Variants in ZFHX3 observed in about 807,000 individuals in gnomAD.
The protein encoded by ZFHX3 is zinc finger homeobox protein 3.
ZFHX3 carries 42 observed loss-of-function variants against 279.1 expected under a neutral mutation model. That is an observed-to-expected ratio of 0.15 (90% CI 0.12 to 0.19). The LOEUF is 0.19. Among genes scored for constraint, ZFHX3 ranks in the 10% least tolerant of loss-of-function variants. ZFHX3 has a pLI of 1.00. For missense variants in ZFHX3, 4,981 were observed against 4,754.0 expected (o/e 1.05, Z -1.40); for synonymous variants, 2,293 against 1,957.8 (o/e 1.17, Z -4.52).
chr16:73,815,667 T>A (rs1447574570), intron 1 of ZFHX3: 1 of 152,082 alleles, frequency 6.6e-6, no homozygotes, highest in East Asian at 1.9e-4. Context: ...GTTCAAGCAA[T>A]TCTCCTGCCT....
intron 5 of ZFHX3, among the ~76,000 whole-genome samples, chr16:73,247,184 T>C (rs371297057): frequency 6.6e-4 from 100 of 152,006 alleles, no homozygotes; most frequent in Middle Eastern, 6.8e-3. Context: ...TACCTGTATG[T>C]GGAATACATG....
chr16:73,350,565 G>C (rs543116474), intron 3 of ZFHX3, among the ~76,000 whole-genome samples: 13 of 152,316 alleles, frequency 8.5e-5, no homozygotes, highest in Admixed American at 5.2e-4. Flanking sequence ...CATGGTGAAG[G>C]CAGCTGTTGC....
intron 5 of ZFHX3, 32 bp downstream of exon 5, chr16:72,829,747 A>G: frequency 6.2e-7 from 1 of 1,605,722 alleles, no homozygotes. Flanking sequence ...AGCCACACAC[A>G]CTACCTGTCC....
intron 1 of ZFHX3, among the ~76,000 whole-genome samples, chr16:73,735,901 T>TGTTTGTTTGTTTGTTTC (rs375304884): frequency 6.9e-6 from 1 of 145,952 alleles, no homozygotes; most frequent in Non-Finnish European, 1.5e-5. Context: ...GTTTTTTTTT[T>TGTTTGTTTGTTTGTTTC]TTTTTTTTTT....
chr16:73,569,761 G>A (rs79422061), intron 2 of ZFHX3, among the ~76,000 whole-genome samples: 6,336 of 152,300 alleles, frequency 0.042, 216 homozygotes, highest in East Asian at 0.11. Flanking sequence ...ACAAACATGC[G>A]TACTCCTGGG....
intron 1 of ZFHX3, among the ~76,000 whole-genome samples, chr16:72,960,853 T>A (rs879780710): frequency 6.6e-6 from 1 of 152,064 alleles, no homozygotes; most frequent in Non-Finnish European, 1.5e-5. Context: ...AAAAGTCCTC[T>A]CCAGATCTGG....
chr16:72,887,725 G>A (rs1341989771), intron 4 of ZFHX3, among the ~76,000 whole-genome samples: 1 of 151,736 alleles, frequency 6.6e-6, no homozygotes, highest in Non-Finnish European at 1.5e-5. Flanking sequence ...CGCAGATGGG[G>A]CGTGTGGGTG....
intron 3 of ZFHX3, among the ~76,000 whole-genome samples, chr16:73,446,247 G>C (rs1303641332): frequency 1.3e-5 from 2 of 152,162 alleles, no homozygotes; most frequent in East Asian, 3.9e-4. Context: ...TTCTCATGCT[G>C]CTATGAAGAA....
At chr16:73,077,819 T>C (rs1381869407) in intron 8 of ZFHX3, among the ~76,000 whole-genome samples, 2 of 152,174 alleles carry the variant, frequency 1.3e-5, no homozygotes, top group Non-Finnish European at 2.9e-5. Context: ...TTCTTTTTTG[T>C]TTTTTGTTTG....
At position 72,958,521 on chromosome 16, in the gene ZFHX3, G is replaced by A. The variant is rs2144443505; in HGVS notation, c.1625C>T (p.Thr542Ile). 1 of 1,614,040 alleles carries A rather than the reference G, an allele frequency of 6.2e-7. No homozygotes were observed. The highest frequency in any genetic ancestry group is 8.5e-7 in the Non-Finnish European group (1 of 1,180,034). ...NSPLMPNVLQ[T>I]LSRGTASTSS... ...AGTAGAAGCTGTGCCCCTCGACAGG[G>A]TCTGGAGCACGTTAGGCATTAAGGG... The change falls in exon 2 of 10, where the codon ACC (threonine) becomes ATC (isoleucine). Residue 542 changes from threonine to isoleucine, a missense_variant. Transcript: ENST00000268489.
At chr16:73,359,181 G>GTTTTT (rs55639015) in intron 3 of ZFHX3, among the ~76,000 whole-genome samples, 1 of 145,800 alleles carries the variant, frequency 6.9e-6, no homozygotes. Context: ...TTTAGAAGAG[G>GTTTTT]TTTTTTTTTT....
intron 3 of ZFHX3, among the ~76,000 whole-genome samples, chr16:73,345,315 T>G (rs889444567): frequency 1.3e-5 from 2 of 152,100 alleles, no homozygotes; most frequent in African/African-American, 4.8e-5. Context: ...CATGGTGGTT[T>G]GGGGCACCTA....
intron 1 of ZFHX3, among the ~76,000 whole-genome samples, chr16:73,872,291 G>A (rs35527294): frequency 4.3e-4 from 66 of 152,032 alleles, no homozygotes; most frequent in Admixed American, 2.2e-3. Context: ...GCCCAGGCTG[G>A]AGCACAGTGG....
At chr16:73,301,855 G>C (rs956033295) in intron 4 of ZFHX3, among the ~76,000 whole-genome samples, 3 of 148,126 alleles carry the variant, frequency 2.0e-5, no homozygotes, top group South Asian at 2.1e-4. Flanking sequence ...GCTTCAATCT[G>C]ATCCGGCAAG....
At chr16:72,808,043 G>A (rs745700258) in intron 7 of ZFHX3, 12 of 152,156 alleles carry the variant, frequency 7.9e-5, no homozygotes, top group Non-Finnish European at 1.2e-4. Flanking sequence ...AGTTGGCCAT[G>A]AACAAACATA....
At chr16:73,833,571 A>G (rs1269385630) in intron 1 of ZFHX3, among the ~76,000 whole-genome samples, 1 of 151,704 alleles carries the variant, frequency 6.6e-6, no homozygotes. Context: ...ACACGGATAC[A>G]GGGAGGAGAA....
chr16:73,129,172 G>C (rs560686340), intron 7 of ZFHX3, among the ~76,000 whole-genome samples: 2 of 152,210 alleles, frequency 1.3e-5, no homozygotes, highest in African/African-American at 2.4e-5. Flanking sequence ...GATCACTTGA[G>C]GTCGGGAGTT....
At chr16:72,952,025 C>G (rs1215306633) in intron 2 of ZFHX3, among the ~76,000 whole-genome samples, 1 of 152,194 alleles carries the variant, frequency 6.6e-6, no homozygotes, top group Non-Finnish European at 1.5e-5. Flanking sequence ...CCAAGGCAGG[C>G]AGATCACCTG....
rs921999220 is a variant in ZFHX3, at chr16:73,843,829, C to T, written c.-1608+47822G>A. Among the ~76,000 whole-genome samples the T allele has an allele frequency of 6.6e-5, 10 of 152,198 alleles. No individual in the cohort carries two copies. In the East Asian group the frequency reaches 1.3e-3, roughly 20 times the overall value. ...CGCAGCTACTCAACTCCACCTCTGT[C>T]GTATGACAACAGCCACAGACAGTTT... On this transcript the variant is annotated intron_variant, in intron 1 of 17. Coordinates refer to the ZFHX3 transcript ENST00000641206.
Sources: gnomAD v4.1 joint callset for allele counts (sites outside exome capture counted in the v4.1 genomes callset) on GRCh38, gnomAD v4.1.1 for gene constraint, MANE v1.5 for transcripts, NCBI Gene and HGNC (gene_info 2026-07-23, HGNC 2026-07-21) for gene names.